PCDH15: variants seen among roughly 807,000 people sequenced by gnomAD.
PCDH15 encodes the protein protocadherin-15.
PCDH15 carries 129 observed loss-of-function variants against 178.5 expected under a neutral mutation model. The ratio of observed to expected loss-of-function variants is 0.72; its 90% CI spans 0.63 to 0.84. PCDH15 has a LOEUF of 0.84. Ranked by LOEUF, PCDH15 falls within the 40% of genes least tolerant of loss-of-function variation. The pLI is 0.00. For synonymous variants in PCDH15, 800 were observed against 732.0 expected (o/e 1.09, Z -1.50); for missense variants, 2,230 against 2,099.9 (o/e 1.06, Z -1.21).
chr10:54,825,097 C>A (rs910519153), intron 3 of PCDH15, among the ~76,000 whole-genome samples: 1 of 151,854 alleles, frequency 6.6e-6, no homozygotes, highest in Non-Finnish European at 1.5e-5. Flanking sequence ...TTGTTCAATT[C>A]CCACCTATGA....
chr10:54,439,957 T>C (rs1321488012), intron 3 of PCDH15, among the ~76,000 whole-genome samples: 3 of 152,082 alleles, frequency 2.0e-5, no homozygotes, highest in Non-Finnish European at 4.4e-5. Context: ...GATTATCTAA[T>C]ACATGTTTTC....
intron 8 of PCDH15, among the ~76,000 whole-genome samples, chr10:54,304,083 A>G (rs1448341832): frequency 6.6e-6 from 1 of 152,092 alleles, no homozygotes; most frequent in East Asian, 1.9e-4. Flanking sequence ...ATCAGTATAA[A>G]TATTTATCAT....
intron 18 of PCDH15, among the ~76,000 whole-genome samples, chr10:54,026,749 C>A (rs1279582366): frequency 6.6e-6 from 1 of 152,154 alleles, no homozygotes; most frequent in Non-Finnish European, 1.5e-5. Flanking sequence ...ACACTTCATG[C>A]TAAAAACTCT....
At chr10:53,936,363 A>G (rs1280798353) in intron 25 of PCDH15, among the ~76,000 whole-genome samples, 1 of 152,160 alleles carries the variant, frequency 6.6e-6, no homozygotes, top group Non-Finnish European at 1.5e-5. Context: ...AGTAATCATG[A>G]TATTTTAATT....
chr10:54,183,318 T>A, intron 13 of PCDH15, 126 bp downstream of exon 13: 1 of 959,216 alleles, frequency 1.0e-6, no homozygotes, highest in South Asian at 1.3e-5. Flanking sequence ...CTATTTAAAC[T>A]AATTATGCTA....
At chr10:54,757,306 G>A (rs1300744086) in intron 1 of PCDH15, among the ~76,000 whole-genome samples, 1 of 18,928 alleles carries the variant, frequency 5.3e-5, no homozygotes, top group South Asian at 1.0e-3. Context: ...TTTTTGAGAC[G>A]GAGTTTCGCT....
At chr10:55,338,911 T>A (rs1186313163) in intron 2 of PCDH15, among the ~76,000 whole-genome samples, 1 of 152,128 alleles carries the variant, frequency 6.6e-6, no homozygotes, top group African/African-American at 2.4e-5. Flanking sequence ...CTTATTCACA[T>A]GTGAAAGCTA....
chr10:55,434,243 T>G (rs1249448548), intron 2 of PCDH15, among the ~76,000 whole-genome samples: 3 of 151,780 alleles, frequency 2.0e-5, no homozygotes, highest in Non-Finnish European at 2.9e-5. Context: ...AATTTTTTTT[T>G]GTATTTTTAG....
At chr10:54,813,511 T>G (rs1475039410) in intron 3 of PCDH15, among the ~76,000 whole-genome samples, 1 of 152,208 alleles carries the variant, frequency 6.6e-6, no homozygotes, top group Non-Finnish European at 1.5e-5. Context: ...AGAGCAGCTC[T>G]TTTTTTGTGT....
At chr10:54,959,216 G>A (rs1838578121) in intron 2 of PCDH15, among the ~76,000 whole-genome samples, 1 of 151,666 alleles carries the variant, frequency 6.6e-6, no homozygotes, top group Non-Finnish European at 1.5e-5. Flanking sequence ...TGCCATTAGA[G>A]GTTAGTATTA....
intron 11 of PCDH15, among the ~76,000 whole-genome samples, chr10:54,187,242 A>G (rs1000303139): frequency 2.6e-5 from 4 of 151,860 alleles, no homozygotes; most frequent in African/African-American, 9.7e-5. Flanking sequence ...TTATACCTTA[A>G]TTCTCTCAAT....
At chr10:54,714,153 A>G (rs949645552) in intron 1 of PCDH15, among the ~76,000 whole-genome samples, 1 of 152,168 alleles carries the variant, frequency 6.6e-6, no homozygotes, top group Non-Finnish European at 1.5e-5. Flanking sequence ...ACAATGTCAG[A>G]CAGACTAAAG....
chr10:54,449,540 T>C (rs960576019), intron 3 of PCDH15, among the ~76,000 whole-genome samples: 3 of 151,752 alleles, frequency 2.0e-5, no homozygotes, highest in Non-Finnish European at 2.9e-5. Flanking sequence ...GAGAGTGTTC[T>C]ACCTGACTTT....
At chr10:54,357,996 C>G (rs567123868) in intron 5 of PCDH15, among the ~76,000 whole-genome samples, 7 of 151,784 alleles carry the variant, frequency 4.6e-5, no homozygotes, top group African/African-American at 1.7e-4. Flanking sequence ...TTCCTTACAC[C>G]TTATACAAAA....
At chr10:55,553,651 A>T (rs1467336841) in intron 2 of PCDH15, among the ~76,000 whole-genome samples, 1 of 151,890 alleles carries the variant, frequency 6.6e-6, no homozygotes, top group Non-Finnish European at 1.5e-5. Context: ...GAGAACAAGG[A>T]TCAGTAACAT....
In PCDH15 at chr10:54,522,467, G is replaced by A. The variant is rs1354577735; in HGVS notation, c.157+5345C>T. Among the ~76,000 whole-genome samples the A allele has an allele frequency of 2.0e-5, 3 of 152,168 alleles. No individual in the cohort carries two copies. The East Asian group carries it at 5.8e-4, about 29-fold the overall frequency. On this transcript the variant is annotated intron_variant, in intron 3 of 37. Coordinates refer to ENST00000644397, the MANE Select transcript of PCDH15 (RefSeq NM_001384140.1). ...TATAATGTAAATTCCCTGGATGAAT[G>A]CATGGCTCACATCTTCAGTCTTAAC...
chr10:54,177,373 A>G (rs1191641085), intron 13 of PCDH15, among the ~76,000 whole-genome samples: 1 of 152,162 alleles, frequency 6.6e-6, no homozygotes, highest in Non-Finnish European at 1.5e-5. Flanking sequence ...TCATTAGTAC[A>G]AAACCATAAA....
rs556846609 is a variant in PCDH15, at chr10:54,078,214, G to T, written c.2091+1117C>A. 3.9e-5 allele frequency among the ~76,000 whole-genome samples: 6 copies of T among 152,014 alleles called. No individual in the cohort carries two copies. The East Asian group carries it at 1.2e-3, about 29-fold the overall frequency. ...TATATGTATAAGTATGTTTATTTAT[G>T]TAATGTCTGAAAAATGTTAAATAGC... On this transcript the variant is annotated intron_variant, in intron 17 of 37. Coordinates refer to ENST00000644397, the MANE Select transcript of PCDH15 (RefSeq NM_001384140.1).
chr10:54,521,024 G>A (rs1194402009), intron 3 of PCDH15, among the ~76,000 whole-genome samples: 5 of 137,058 alleles, frequency 3.6e-5, no homozygotes, highest in Non-Finnish European at 7.6e-5. Flanking sequence ...AGAACACATG[G>A]ACACAGGAAG....
Sources: gnomAD v4.1 joint callset for allele counts (sites outside exome capture counted in the v4.1 genomes callset) on GRCh38, gnomAD v4.1.1 for gene constraint, MANE v1.5 for transcripts, NCBI Gene and HGNC (gene_info 2026-07-23, HGNC 2026-07-21) for gene names.